GIMAP4: variants seen among roughly 807,000 people sequenced by gnomAD.
The protein encoded by GIMAP4 is GTPase IMAP family member 4.
In GIMAP4, 12 loss-of-function variants were observed where a neutral mutation model predicts 10.8. That is an observed-to-expected ratio of 1.11 (90% CI 0.71 to 1.81). The LOEUF (loss-of-function observed/expected upper bound fraction) is 1.81, where lower values mean the gene tolerates loss of function less well. GIMAP4 is among the 40% of genes most tolerant of loss of function. GIMAP4 has a pLI of 0.00. For missense variants in GIMAP4, 412 were observed against 404.6 expected, an observed-to-expected ratio of 1.02 and a Z score of -0.16; for synonymous variants, 149 against 147.2, an observed-to-expected ratio of 1.01 and a Z score of -0.09.
chr7:150,572,549 G>A lies in GIMAP4; in HGVS notation c.479G>A (p.Gly160Asp). ...ATATTCACCCGGAAAGATGACTTAG[G>A]TGACACCAATTTGCATGACTACTTA... is the stretch of plus-strand genomic sequence containing the variant. Reference protein sequence around the residue: ...ILIFTRKDDLGDTNLHDYLRE... With the variant: ...ILIFTRKDDLDDTNLHDYLRE... Residue 160 changes from glycine (G) to aspartate (D), a missense_variant, in exon 3 of 3, where the codon GGT becomes GAT. Coordinates refer to ENST00000255945, the MANE Select transcript of GIMAP4 (RefSeq NM_018326.3). The A allele has an allele frequency of 1.2e-6, 2 of 1,614,158 alleles. No individual in the cohort carries two copies. The highest frequency in any genetic ancestry group is 1.1e-5 in the South Asian group (1 of 91,086).
Position 150,572,920 on chromosome 7 carries a change from G to T in GIMAP4, c.850G>T (p.Ala284Ser), listed in dbSNP as rs1795753612. 1 of 1,614,114 alleles carries T rather than the reference G, an allele frequency of 6.2e-7. No homozygotes were observed. Among genetic ancestry groups the T allele is most frequent in the Non-Finnish European group, 8.5e-7 (1 of 1,179,990 alleles). ...KRKKQMEKKL[A>S]EQEAHYAVRQ... ...AAAGAAGCAAATGGAGAAGAAACTAGCAGAACAGGAGGCTCACTATGCTGT... is the reference window on the plus strand; with the variant it reads ...AAAGAAGCAAATGGAGAAGAAACTATCAGAACAGGAGGCTCACTATGCTGT... The change falls in exon 3 of 3, where the codon GCA becomes TCA. Residue 284 changes from alanine to serine, a missense_variant. Coordinates refer to ENST00000255945, the MANE Select transcript of GIMAP4 (RefSeq NM_018326.3).
rs1382194702 is a variant in GIMAP4 at position 150,572,405 on chromosome 7, C to A, written c.335C>A (p.Pro112Gln). 2 of 1,614,060 alleles carry A rather than the reference C, an allele frequency of 1.2e-6. No individual in the cohort carries two copies. The highest frequency in any genetic ancestry group is 1.7e-6 in the Non-Finnish European group (2 of 1,180,022). Residue 112 changes from proline to glutamine, a missense_variant, in exon 3 of 3, where the codon CCA (proline) becomes CAA (glutamine). Physicochemically the swap from Pro to Gln is moderately conservative, Grantham distance 76. Transcript: ENST00000255945. Reference sequence around the variant, plus strand: ...ATTCGCTGCATTCTTCTGACCTCCCCAGGGCCTCATGCTCTGCTTCTGGTG... The same window carrying A: ...ATTCGCTGCATTCTTCTGACCTCCCAAGGGCCTCATGCTCTGCTTCTGGTG... ...EIIRCILLTS[P>Q]GPHALLLVVP...
rs904664524 is a variant in GIMAP4, at chr7:150,572,880, G to A, written c.810G>A (p.Val270=). 54 of 1,613,828 alleles carry A rather than the reference G, an allele frequency of 3.3e-5. No homozygotes were observed. Among genetic ancestry groups the A allele is most frequent in the Non-Finnish European group, 4.4e-5 (52 of 1,179,958 alleles). The part of the protein sequence containing the change: ...EEKIRKLEDK[V]EQEKRKKQME... ...AAATCAGAAAGCTGGAAGATAAAGT[G>A]GAGCAGGAAAAGAGAAAGAAGCAAA... Residue 270 remains valine, a synonymous_variant, in exon 3 of 3, where the codon GTG becomes GTA. Coordinates refer to ENST00000255945, the MANE Select transcript of GIMAP4 (RefSeq NM_018326.3).
At chr7:150,570,188 A>G (rs1795713224) in intron 2 of GIMAP4, among the ~76,000 whole-genome samples, 1 of 152,144 alleles carries the variant, frequency 6.6e-6, no homozygotes, top group South Asian at 2.1e-4. Flanking sequence ...CTAAGCAGCT[A>G]AGCAGAAGAG....
At position 150,573,196 on chromosome 7, in the gene GIMAP4, T is replaced by C. The variant is rs946307776; in HGVS notation, c.*136T>C. On this transcript the variant is annotated 3_prime_UTR_variant, in exon 3 of 3. Transcript: ENST00000255945. ...ACTAAGGACCACCATTGGCCATTGGTAGATGTTTGATTGACTTAACAAGAG... is the reference window on the plus strand; with the variant it reads ...ACTAAGGACCACCATTGGCCATTGGCAGATGTTTGATTGACTTAACAAGAG... 8.2e-6 allele frequency: 5 copies of C among 610,226 alleles called. No homozygotes were observed. The highest frequency in any genetic ancestry group is 7.4e-5 in the African/African-American group (4 of 53,930). The allele number at this position is 610,226 out of a possible 1,614,324, so 37.8% of individuals were successfully genotyped here. A position where few individuals can be genotyped will look rare whatever the true frequency, so the allele number is the denominator to read the frequency against.
chr7:150,568,215 T>A (rs1481351219), intron 1 of GIMAP4, among the ~76,000 whole-genome samples: 1 of 152,234 alleles, frequency 6.6e-6, no homozygotes, highest in African/African-American at 2.4e-5. Flanking sequence ...GTCACAGTAT[T>A]GTTTTCTTCT....
intron 2 of GIMAP4, 112 bp downstream of exon 2, chr7:150,570,071 C>G: frequency 1.4e-6 from 1 of 721,142 alleles, no homozygotes. Context: ...CACCCAGTCC[C>G]CATTTGAGCA....
intron 2 of GIMAP4, 57 bp from the exon 3 acceptor site, chr7:150,572,072 G>T (rs7806724): frequency 0.23 from 255,338 of 1,129,688 alleles, 29,644 homozygotes; most frequent in East Asian, 0.31. Context: ...CTCTGCAGGG[G>T]AATCTATTAG....
In GIMAP4 at chr7:150,572,660, A is replaced by G. The variant is rs763784815; in HGVS notation, c.590A>G (p.Glu197Gly). 1 of 1,614,222 alleles carries G rather than the reference A, an allele frequency of 6.2e-7. No homozygotes were observed. Among genetic ancestry groups the G allele is most frequent in the Non-Finnish European group, 8.5e-7 (1 of 1,180,026 alleles). Residue 197 changes from glutamate (E) to glycine (G), a missense_variant, in exon 3 of 3, where the codon GAG becomes GGG. Coordinates refer to ENST00000255945, the MANE Select transcript of GIMAP4 (RefSeq NM_018326.3). ...CALNNKATGA[E>G]QEAQRAQLLG... is the part of the protein sequence containing the mutation. ...TTAAACAACAAGGCAACAGGCGCTG[A>G]GCAGGAGGCCCAGAGGGCACAGTTG...
chr7:150,572,240 A>T lies in GIMAP4; in HGVS notation c.170A>T (p.His57Leu), dbSNP rs1487051718. Residue 57 changes from histidine (H) to leucine (L), a missense_variant, in exon 3 of 3, where the codon CAT becomes CTT. By Grantham distance (99) the His-to-Leu change is moderately conservative (BLOSUM62 -3). Coordinates refer to ENST00000255945, the MANE Select transcript of GIMAP4 (RefSeq NM_018326.3). ...AGCATCCTTGGCCGGAAAGTGTTTC[A>T]TTCTGGCACTGCAGCAAAATCCATT... ...GNSILGRKVFHSGTAAKSITK... is the reference protein window; with the variant it reads ...GNSILGRKVFLSGTAAKSITK... The T allele has an allele frequency of 5.6e-6, 9 of 1,613,924 alleles. No individual in the cohort carries two copies. Among genetic ancestry groups the T allele is most frequent in the Non-Finnish European group, 7.6e-6 (9 of 1,179,868 alleles).
chr7:150,569,784 G>T, intron 1 of GIMAP4, 104 bp from the exon 2 acceptor site: 1 of 659,174 alleles, frequency 1.5e-6, no homozygotes, highest in Non-Finnish European at 2.8e-6. Flanking sequence ...AATCAATGTA[G>T]CAAGCTCATG....
intron 1 of GIMAP4, 87 bp downstream of exon 1, chr7:150,567,524 A>C (rs991240913): frequency 2.6e-5 from 4 of 151,972 alleles, no homozygotes; most frequent in African/African-American, 9.7e-5. Context: ...TCGTCTGGTA[A>C]ACATGTTTTC....
chr7:150,572,576 G>C lies in GIMAP4; in HGVS notation c.506G>C (p.Arg169Thr), dbSNP rs147499537. 2.2e-5 allele frequency: 36 copies of C among 1,614,036 alleles called. No individual in the cohort carries two copies. In the African/African-American group the frequency reaches 3.7e-4, roughly 17 times the overall value. ...LGDTNLHDYL[R>T]EAPEDIQDLM... ...GACACCAATTTGCATGACTACTTAA[G>C]GGAAGCTCCAGAAGACATTCAAGAC... is the stretch of plus-strand genomic sequence containing the variant. Residue 169 changes from arginine to threonine, a missense_variant, in exon 3 of 3, where the codon AGG becomes ACG. Transcript: ENST00000255945.
Position 150,572,534 on chromosome 7 carries a change from G to A in GIMAP4, c.464G>A (p.Arg155Gln), listed in dbSNP as rs1283228798. Residue 155 changes from arginine to glutamine, a missense_variant, in exon 3 of 3, where the codon CGG (arginine) becomes CAG (glutamine). Transcript: ENST00000255945. Reference sequence around the variant, plus strand: ...AGTTTCATGATTCTCATATTCACCCGGAAAGATGACTTAGGTGACACCAAT... The same window carrying A: ...AGTTTCATGATTCTCATATTCACCCAGAAAGATGACTTAGGTGACACCAAT... ...ARSFMILIFTRKDDLGDTNLH... is the reference protein window; with the variant it reads ...ARSFMILIFTQKDDLGDTNLH... The A allele has an allele frequency of 5.0e-6, 8 of 1,614,004 alleles. No individual in the cohort carries two copies. The highest frequency in any genetic ancestry group is 1.6e-4 in the Middle Eastern group (1 of 6,084).
chr7:150,569,788 G>C (rs1795706946), intron 1 of GIMAP4, 100 bp from the exon 2 acceptor site: 1 of 675,106 alleles, frequency 1.5e-6, no homozygotes, highest in African/African-American at 1.8e-5. Context: ...AATGTAGCAA[G>C]CTCATGGCAA....
intron 2 of GIMAP4, among the ~76,000 whole-genome samples, chr7:150,571,110 C>G (rs546113604): frequency 3.0e-4 from 45 of 152,242 alleles, no homozygotes; most frequent in South Asian, 1.0e-3. Context: ...GTCATTTTGC[C>G]TCCCATGATT....
intron 2 of GIMAP4, among the ~76,000 whole-genome samples, chr7:150,570,664 A>G (rs1795718242): frequency 6.6e-6 from 1 of 152,162 alleles, no homozygotes. Context: ...AGTGCCTGGT[A>G]TGCAACTGAA....
chr7:150,572,187 C>A lies in GIMAP4; in HGVS notation c.117C>A (p.Thr39=), dbSNP rs367979869. The part of the protein sequence containing the change: ...SQLRIVLVGK[T]GAGKSATGNS... ...TGAGAATTGTGTTAGTGGGTAAAAC[C>A]GGAGCAGGAAAAAGTGCAACAGGAA... Residue 39 remains threonine (T), a synonymous_variant, in exon 3 of 3, where the codon ACC becomes ACA. Transcript: ENST00000255945. 11 of 1,613,868 alleles carry A rather than the reference C, an allele frequency of 6.8e-6. No homozygotes were observed. Among genetic ancestry groups the A allele is most frequent in the Non-Finnish European group, 9.3e-6 (11 of 1,179,866 alleles).
chr7:150,572,553 C>T lies in GIMAP4; in HGVS notation c.483C>T (p.Asp161=), dbSNP rs777330779. 1.9e-6 allele frequency: 3 copies of T among 1,613,982 alleles called. No homozygotes were observed. The African/African-American group carries it at 4.0e-5, about 22-fold the overall frequency. Residue 161 remains aspartate (D), a synonymous_variant, in exon 3 of 3, where the codon GAC becomes GAT. Transcript: ENST00000255945. ...TCACCCGGAAAGATGACTTAGGTGACACCAATTTGCATGACTACTTAAGGG... is the reference window on the plus strand; with the variant it reads ...TCACCCGGAAAGATGACTTAGGTGATACCAATTTGCATGACTACTTAAGGG... ...LIFTRKDDLG[D]TNLHDYLREA...
Sources: gnomAD v4.1 joint callset for allele counts (sites outside exome capture counted in the v4.1 genomes callset) on GRCh38, gnomAD v4.1.1 for gene constraint, MANE v1.5 for transcripts, NCBI Gene and HGNC (gene_info 2026-07-23, HGNC 2026-07-21) for gene names.